Variants in LASP1 observed in about 807,000 individuals in gnomAD.
LASP1 encodes the protein LIM and SH3 protein 1.
Under a neutral mutation model 38.6 loss-of-function variants are expected in LASP1, and 10 were observed. The observed-to-expected ratio is 0.26, with a 90% confidence interval of 0.16 to 0.44. LASP1 has a LOEUF of 0.44. Among genes scored for constraint, LASP1 ranks in the 20% least tolerant of loss-of-function variants. LASP1 has a pLI of 1.00. For missense variants in LASP1, 243 were observed against 375.7 expected, an observed-to-expected ratio of 0.65 and a Z score of 2.92; for synonymous variants, 132 against 140.8, an observed-to-expected ratio of 0.94 and a Z score of 0.44.
intron 2 of LASP1, among the ~76,000 whole-genome samples, chr17:38,885,985 G>T (rs1204812245): frequency 6.6e-6 from 1 of 152,064 alleles, no homozygotes; most frequent in Admixed American, 6.6e-5. Flanking sequence ...TATCCAGAAA[G>T]ATCCTATAGA....
At chr17:38,899,739 G>A (rs970683980) in intron 4 of LASP1, among the ~76,000 whole-genome samples, 6 of 124,200 alleles carry the variant, frequency 4.8e-5, no homozygotes, top group Non-Finnish European at 7.0e-5. Flanking sequence ...CTTAGAGGGC[G>A]TTCAGATCTT....
At chr17:38,910,265 T>C (rs1367818986) in intron 4 of LASP1, among the ~76,000 whole-genome samples, 1 of 152,214 alleles carries the variant, frequency 6.6e-6, no homozygotes, top group Non-Finnish European at 1.5e-5. Context: ...TATCTCAGGC[T>C]TTGTGGCCAT....
At chr17:38,897,021 A>C (rs1309088075) in intron 3 of LASP1, 1 of 985,286 alleles carries the variant, frequency 1.0e-6, no homozygotes, top group Non-Finnish European at 1.2e-6. Flanking sequence ...TCCCACTAAG[A>C]GTCACCGTGC....
At chr17:38,870,458 C>T (rs1352955729) in intron 1 of LASP1, among the ~76,000 whole-genome samples, 200 bp downstream of exon 1, 1 of 152,210 alleles carries the variant, frequency 6.6e-6, no homozygotes, top group Non-Finnish European at 1.5e-5. Context: ...GGGAAGTCCA[C>T]GCGTAGCGGG....
At chr17:38,887,318 C>A (rs1370675321) in intron 2 of LASP1, among the ~76,000 whole-genome samples, 1 of 152,168 alleles carries the variant, frequency 6.6e-6, no homozygotes, top group South Asian at 2.1e-4. Flanking sequence ...GGAGGAGGGT[C>A]GTCTCGTCTC....
rs183304271 is a variant in LASP1 at position 38,918,929 on chromosome 17, C to A, written c.*151C>A. Reference sequence around the variant, plus strand: ...TTCCAGCTTCTTTTGCCAACTGAAGCCTTCTTCTGCCACTTCTGCGGGCTC... The same window carrying A: ...TTCCAGCTTCTTTTGCCAACTGAAGACTTCTTCTGCCACTTCTGCGGGCTC... On this transcript the variant is annotated 3_prime_UTR_variant, in exon 7 of 7. Coordinates refer to ENST00000318008, the MANE Select transcript of LASP1 (RefSeq NM_006148.4). The surrounding 1 kb of genome is among the most constrained non-coding windows in gnomAD (Gnocchi z 4.4). 22 of 835,040 alleles carry A rather than the reference C, an allele frequency of 2.6e-5. No homozygotes were observed. Among genetic ancestry groups the A allele is most frequent in the Non-Finnish European group, 3.7e-5 (20 of 543,752 alleles). 51.7% of individuals were successfully genotyped at this position (835,040 alleles called of 1,614,324 possible). A position where few individuals can be genotyped will look rare whatever the true frequency, so the allele number is the denominator to read the frequency against.
chr17:38,874,039 A>G (rs1344345857), intron 1 of LASP1: 5 of 152,262 alleles, frequency 3.3e-5, no homozygotes, highest in African/African-American at 1.2e-4. Flanking sequence ...GGTTGCAGGT[A>G]GGCAAGGGAA....
Position 38,919,459 on chromosome 17 carries a change from C to G in LASP1, c.*681C>G, listed in dbSNP as rs763254173. The G allele has an allele frequency of 8.3e-6, 2 of 242,088 alleles. No individual in the cohort carries two copies. Among genetic ancestry groups the G allele is most frequent in the Non-Finnish European group, 1.6e-5 (2 of 122,580 alleles). 15.0% of individuals were successfully genotyped at this position (242,088 alleles called of 1,614,324 possible). ...AGACCTGCAGCGGGCAAAGAGCTCC[C>G]GAGGAAGCACAGCTTGGGTCAGGTT... On this transcript the variant is annotated 3_prime_UTR_variant, in exon 7 of 7. Coordinates refer to ENST00000318008, the MANE Select transcript of LASP1 (RefSeq NM_006148.4).
At chr17:38,879,446 C>T (rs560514541) in intron 2 of LASP1, among the ~76,000 whole-genome samples, 235 of 151,708 alleles carry the variant, frequency 1.5e-3, no homozygotes, top group African/African-American at 5.5e-3. Context: ...TATAAGCCAC[C>T]TCGCCCAGCC....
chr17:38,879,253 T>G (rs1913871817), intron 2 of LASP1, among the ~76,000 whole-genome samples: 1 of 149,462 alleles, frequency 6.7e-6, no homozygotes, highest in Non-Finnish European at 1.5e-5. Flanking sequence ...CCTCTTGGAT[T>G]CAAGCGATTC....
rs76508997 is a variant in LASP1, at chr17:38,872,952, C to G, written c.69+2694C>G. Among the ~76,000 whole-genome samples, 7 of 152,226 alleles carry G rather than the reference C, an allele frequency of 4.6e-5. No homozygotes were observed. The East Asian group carries it at 1.4e-3, about 29-fold the overall frequency. On this transcript the variant is annotated intron_variant, in intron 1 of 6. Transcript: ENST00000318008. Reference sequence around the variant, plus strand: ...GATGACAGTGTTTGAGGAAGGAGGTCGAGATTTGCTTCTCCAGAGGACTTC... The same window carrying G: ...GATGACAGTGTTTGAGGAAGGAGGTGGAGATTTGCTTCTCCAGAGGACTTC...
At chr17:38,871,406 G>A (rs558096579) in intron 1 of LASP1, among the ~76,000 whole-genome samples, 1 of 151,968 alleles carries the variant, frequency 6.6e-6, no homozygotes, top group Non-Finnish European at 1.5e-5. Context: ...TCCTCACCGC[G>A]TCTTTCATCC....
chr17:38,894,513 C>T (rs143563791), intron 3 of LASP1, among the ~76,000 whole-genome samples: 506 of 152,242 alleles, frequency 3.3e-3, no homozygotes, highest in Admixed American at 5.3e-3. Flanking sequence ...GATTACCTCT[C>T]TCCAGAGGGT....
chr17:38,897,491 T>C (rs1233743273), intron 3 of LASP1, among the ~76,000 whole-genome samples: 1 of 152,228 alleles, frequency 6.6e-6, no homozygotes, highest in African/African-American at 2.4e-5. Context: ...AGCCAAGGAA[T>C]AGTTTCCTGT....
At chr17:38,901,749 C>A (rs1914646102) in intron 4 of LASP1, among the ~76,000 whole-genome samples, 1 of 152,026 alleles carries the variant, frequency 6.6e-6, no homozygotes, top group African/African-American at 2.4e-5. Context: ...TACCTCAGAA[C>A]CCCAGGGGAG....
chr17:38,897,929 AC>A (rs1914533150), intron 3 of LASP1, among the ~76,000 whole-genome samples: 2 of 152,172 alleles, frequency 1.3e-5, no homozygotes, highest in African/African-American at 4.8e-5. Context: ...GGCTGGGGCC[AC>A]CCTGGGAGCC....
intron 1 of LASP1, among the ~76,000 whole-genome samples, chr17:38,877,250 A>G (rs1291358877): frequency 6.6e-6 from 1 of 152,202 alleles, no homozygotes; most frequent in Non-Finnish European, 1.5e-5. Flanking sequence ...CATCCATTGT[A>G]CACACCAGGA....
chr17:38,909,494 C>G (rs1051461362), intron 4 of LASP1, among the ~76,000 whole-genome samples: 2 of 152,004 alleles, frequency 1.3e-5, no homozygotes, highest in African/African-American at 4.8e-5. Context: ...ATAATCCCAG[C>G]TACTCAGGAG....
chr17:38,893,116 A>G (rs1455504104), intron 3 of LASP1, among the ~76,000 whole-genome samples: 1 of 152,190 alleles, frequency 6.6e-6, no homozygotes, highest in Non-Finnish European at 1.5e-5. Context: ...ACAGATAGGG[A>G]AACTGAGGTT....
Sources: gnomAD v4.1 joint callset for allele counts (sites outside exome capture counted in the v4.1 genomes callset) on GRCh38, gnomAD v4.1.1 for gene constraint, Gnocchi (gnomAD v3.1) non-coding constraint, MANE v1.5 for transcripts, NCBI Gene and HGNC (gene_info 2026-07-23, HGNC 2026-07-21) for gene names.